MYH6: variants seen among roughly 807,000 people sequenced by gnomAD.
MYH6 encodes the protein myosin-6.
A neutral mutation model predicts 223.2 loss-of-function variants in MYH6; 126 were observed. The observed-to-expected ratio is 0.56, with a 90% CI of 0.49 to 0.65. The LOEUF (loss-of-function observed/expected upper bound fraction) is 0.65. MYH6 is among the 30% of genes least tolerant of loss of function. MYH6 has a pLI of 0.00. For missense variants in MYH6, 2,040 were observed against 2,536.4 expected (o/e 0.80, Z 4.20); for synonymous variants, 978 against 1,010.2 (o/e 0.97, Z 0.61).
rs1891100947 is a variant in MYH6, at chr14:23,388,234, A to G, written c.4280T>C (p.Ile1427Thr). ...CTCTACGTCCACCATCAAGTCCTCT[A>G]TCTCATTCTGTAGCCGGTGCTTGGT... ...EKTKHRLQNE[I>T]EDLMVDVERS... The change falls in exon 30 of 39, where the codon ATA becomes ACA. Residue 1427 changes from isoleucine to threonine, a missense_variant. Around this residue, in one of 4 missense-constraint regions of MYH6, gnomAD observed 1,203 missense variants for 1,400.2 expected, o/e 0.86. Coordinates refer to ENST00000405093, the MANE Select transcript of MYH6 (RefSeq NM_002471.4). 6.2e-7 allele frequency: 1 copy of G among 1,612,544 alleles called. No homozygotes were observed. The highest frequency in any genetic ancestry group is 1.3e-5 in the African/African-American group (1 of 74,880).
chr14:23,392,840 C>A (rs372656808), intron 24 of MYH6, 72 bp downstream of exon 24: 1 of 1,596,820 alleles, frequency 6.3e-7, no homozygotes, highest in Non-Finnish European at 8.5e-7. Flanking sequence ...CCAGTGGAGG[C>A]GCAGCACCCT....
rs528094937 is a variant in MYH6, at chr14:23,402,525, G to A, written c.1080C>T (p.Tyr360=). Residue 360 remains tyrosine, a synonymous_variant, in exon 12 of 39, where the codon TAC becomes TAT. Coordinates refer to ENST00000405093, the MANE Select transcript of MYH6 (RefSeq NM_002471.4). ...GCTTCTGCTTGAACTTCATGTTCCCGTAGTGCATGATGGCTCCCGTCAGCT... is the reference window on the plus strand; with the variant it reads ...GCTTCTGCTTGAACTTCATGTTCCCATAGTGCATGATGGCTCCCGTCAGCT... ...VYKLTGAIMH[Y]GNMKFKQKQR... is the part of the protein sequence containing the mutation. The A allele has an allele frequency of 6.8e-6, 11 of 1,613,664 alleles. No individual in the cohort carries two copies. The highest frequency in any genetic ancestry group is 6.7e-5 in the East Asian group (3 of 44,804).
chr14:23,382,397 G>A, intron 38 of MYH6, 31 bp downstream of exon 38: 1 of 1,613,704 alleles, frequency 6.2e-7, no homozygotes, highest in Non-Finnish European at 8.5e-7. Flanking sequence ...TAATGTGGAA[G>A]TGACTAGTGA....
intron 36 of MYH6, 102 bp from the exon 37 acceptor site, chr14:23,383,422 C>T: frequency 4.4e-6 from 4 of 917,488 alleles, no homozygotes; most frequent in Non-Finnish European, 5.1e-6. Context: ...CTTTGCTGCC[C>T]CTCCCTGCAA....
chr14:23,388,006 C>T, intron 30 of MYH6, 83 bp from the exon 31 acceptor site: 1 of 1,605,720 alleles, frequency 6.2e-7, no homozygotes, highest in Non-Finnish European at 8.5e-7. Context: ...AGCCCCCAGC[C>T]TCAGCCGCAT....
At chr14:23,397,932 C>CTCCTCCTCCTCT (rs1891452078) in intron 15 of MYH6, among the ~76,000 whole-genome samples, 1 of 90,140 alleles carries the variant, frequency 1.1e-5, no homozygotes, top group African/African-American at 4.3e-5. Context: ...CCTCCTCCTC[C>CTCCTCCTCCTCT]TCTTCTTCTT....
At position 23,396,736 on chromosome 14, in the gene MYH6, A is replaced by G. The variant is rs144050960; in HGVS notation, c.2250T>C (p.Ser750=). 56 of 1,614,018 alleles carry G rather than the reference A, an allele frequency of 3.5e-5. No homozygotes were observed. The highest frequency in any genetic ancestry group is 2.4e-4 in the South Asian group (22 of 91,080). ...TGTACTGGTTGTGATCAATGTCCAG[A>G]GAGCTGAGCAGCTTCTCTGTCCCCT... ...SRKGTEKLLS[S]LDIDHNQYKF... Residue 750 remains serine (S), a synonymous_variant, in exon 19 of 39, where the codon TCT becomes TCC. Coordinates refer to ENST00000405093, the MANE Select transcript of MYH6 (RefSeq NM_002471.4).
In MYH6 at chr14:23,389,856, A is replaced by G; in HGVS notation, c.3733-137T>C. ...GTGTGGGAGGGCGCAGTCTGAAGAG[A>G]GACTTGAATTAAAGAAAGGAGGAAC... On this transcript the variant is annotated intron_variant, in intron 26 of 38. Transcript: ENST00000405093. 5 of 1,533,378 alleles carry G rather than the reference A, an allele frequency of 3.3e-6. No homozygotes were observed. The South Asian group carries it at 5.7e-5, about 17-fold the overall frequency. 95.0% of individuals were successfully genotyped at this position (1,533,378 alleles called of 1,614,324 possible).
chr14:23,385,017 T>A lies in MYH6; in HGVS notation c.5188A>T (p.Lys1730Ter). The change falls in exon 35 of 39, where the codon AAG (lysine) becomes TAG (stop). Residue 1730 changes from lysine to a stop codon, truncating the protein, a stop_gained. Transcript: ENST00000405093. LOFTEE classifies it high-confidence loss of function. Reference sequence around the variant, plus strand: ...TGGGTCAGATCCGACTCCATCTTCTTCTTCTGGTTGATGAGGCTGGTGTTC... The same window carrying A: ...TGGGTCAGATCCGACTCCATCTTCTACTTCTGGTTGATGAGGCTGGTGTTC... ...SQNTSLINQK[K>*]KMESDLTQLQ... is the part of the protein sequence containing the mutation. 6.2e-7 allele frequency: 1 copy of A among 1,614,214 alleles called. No individual in the cohort carries two copies.
chr14:23,385,776 G>C, intron 34 of MYH6, 152 bp downstream of exon 34: 2 of 1,112,378 alleles, frequency 1.8e-6, no homozygotes, highest in Non-Finnish European at 2.7e-6. Context: ...TTAATATAAT[G>C]GTTCTGCAGC....
intron 19 of MYH6, 33 bp from the exon 20 acceptor site, chr14:23,396,453 G>C (rs1173880933): frequency 6.2e-7 from 1 of 1,611,412 alleles, no homozygotes; most frequent in Non-Finnish European, 8.5e-7. Flanking sequence ...ACAGGCCGCA[G>C]CCTCAGAGGG....
chr14:23,384,350 A>C (rs762922912), intron 36 of MYH6, 92 bp downstream of exon 36: 80 of 1,575,600 alleles, frequency 5.1e-5, no homozygotes, highest in Non-Finnish European at 6.7e-5. Flanking sequence ...CAGCATCTCA[A>C]GGAGGAGGTG....
Position 23,388,994 on chromosome 14 carries a change from T to C in MYH6, c.4040A>G (p.Glu1347Gly), listed in dbSNP as rs1245523411. Residue 1347 changes from glutamate (E) to glycine (G), a missense_variant, in exon 29 of 39, where the codon GAG becomes GGG. Glu to Gly is a moderately conservative substitution (Grantham distance 98). Coordinates refer to ENST00000405093, the MANE Select transcript of MYH6 (RefSeq NM_002471.4). ...GGCCTCTGTCTCCTCCTCGTACTGC[T>C]CCCGCAGCAGGTCGCAGTCATGCCG... ...SARHDCDLLR[E>G]QYEEETEAKA... 1 of 1,581,622 alleles carries C rather than the reference T, an allele frequency of 6.3e-7. No individual in the cohort carries two copies.
chr14:23,401,058 G>T (rs1220086613), intron 12 of MYH6, 81 bp from the exon 13 acceptor site: 3 of 1,554,134 alleles, frequency 1.9e-6, no homozygotes, highest in Non-Finnish European at 2.6e-6. Context: ...CCAGGCTTGA[G>T]TGCAGTGGCA....
intron 14 of MYH6, chr14:23,399,959 C>T: frequency 2.2e-6 from 1 of 458,586 alleles, no homozygotes; most frequent in South Asian, 2.2e-5. Context: ...TAGGATCTTT[C>T]CATGAATGAC....
chr14:23,399,339 G>A (rs1891526814), intron 14 of MYH6, among the ~76,000 whole-genome samples: 2 of 152,194 alleles, frequency 1.3e-5, no homozygotes, highest in African/African-American at 4.8e-5. Flanking sequence ...TGCCCCAGGG[G>A]CAGGAGGGCA....
intron 15 of MYH6, among the ~76,000 whole-genome samples, chr14:23,397,956 TTCTTCTTCTTCTTC>T (rs1891467647): frequency 1.9e-5 from 2 of 106,956 alleles, no homozygotes; most frequent in Non-Finnish European, 3.8e-5. Flanking sequence ...CTTCTTCTTC[TTCTTCTTCTTCTTC>T]TTCTTCTTCT....
Position 23,397,532 on chromosome 14 carries a change from G to T in MYH6, c.1962+11C>A. The T allele has an allele frequency of 6.2e-7, 1 of 1,613,986 alleles. No individual in the cohort carries two copies. Among genetic ancestry groups the T allele is most frequent in the Non-Finnish European group, 8.5e-7 (1 of 1,179,866 alleles). ...CCACCAGGTGTCCTGGCACCCCTGG[G>T]CCCTTCTTACCCGGTGGAGAGCCGA... On this transcript the variant is annotated intron_variant, in intron 16 of 38. Coordinates refer to ENST00000405093, the MANE Select transcript of MYH6 (RefSeq NM_002471.4).
chr14:23,402,884 GGGGCA>G, intron 10 of MYH6, 84 bp from the exon 11 acceptor site: 1 of 848,578 alleles, frequency 1.2e-6, no homozygotes, highest in Non-Finnish European at 1.9e-6. Flanking sequence ...AAGGGAGGGA[GGGGCA>G]GGGAGGGGTA....
Sources: gnomAD v4.1 joint callset for allele counts (sites outside exome capture counted in the v4.1 genomes callset) on GRCh38, gnomAD v4.1.1 for gene constraint, gnomAD v4.1.1 regional missense constraint, MANE v1.5 for transcripts, NCBI Gene and HGNC (gene_info 2026-07-23, HGNC 2026-07-21) for gene names.